The following CDH8 variants were observed in gnomAD, a reference collection of about 807,000 sequenced individuals.
CDH8 encodes cadherin 8, also known as cadherin-8.
In CDH8, 17 loss-of-function variants were observed where a neutral mutation model predicts 68.1. The observed-to-expected ratio is 0.25, with a 90% CI of 0.17 to 0.37. The LOEUF (loss-of-function observed/expected upper bound fraction) is 0.37, where lower values mean the gene tolerates loss of function less well. Ranked by LOEUF, CDH8 falls within the 10% of genes least tolerant of loss-of-function variation. The pLI is 1.00. For missense variants in CDH8, 763 were observed against 999.3 expected, an observed-to-expected ratio of 0.76 and a Z score of 3.19; for synonymous variants, 372 against 365.1, an observed-to-expected ratio of 1.02 and a Z score of -0.21.
At chr16:61,983,843 T>G (rs1965578514) in intron 2 of CDH8, among the ~76,000 whole-genome samples, 1 of 152,122 alleles carries the variant, frequency 6.6e-6, no homozygotes, top group Non-Finnish European at 1.5e-5. Flanking sequence ...TTGCTATGTC[T>G]TCACATGGCA....
Position 61,838,856 on chromosome 16 carries a change from T to C in CDH8, c.668-13677A>G, listed in dbSNP as rs373163630. ...GTAACTTTGAATAAGTCACTAATCC[T>C]TTCTAATCATGAAGTCCCTGAATTG... On this transcript the variant is annotated intron_variant, in intron 4 of 11. Transcript: ENST00000577390. 4.6e-5 allele frequency among the ~76,000 whole-genome samples: 7 copies of C among 152,272 alleles called. No homozygotes were observed. In the East Asian group the frequency reaches 5.8e-4, roughly 13 times the overall value.
At chr16:61,724,194 G>A (rs1959276173) in intron 9 of CDH8, among the ~76,000 whole-genome samples, 1 of 150,674 alleles carries the variant, frequency 6.6e-6, no homozygotes, top group African/African-American at 2.4e-5. Context: ...AGAATCATGA[G>A]AAGGTGGAAA....
chr16:61,962,639 C>A (rs1965177044), intron 2 of CDH8, among the ~76,000 whole-genome samples: 1 of 152,118 alleles, frequency 6.6e-6, no homozygotes, highest in African/African-American at 2.4e-5. Flanking sequence ...CCTTTCTGTT[C>A]AAAACTGAAC....
At chr16:61,738,395 C>G (rs147217437) in intron 8 of CDH8, among the ~76,000 whole-genome samples, 1 of 152,094 alleles carries the variant, frequency 6.6e-6, no homozygotes, top group Admixed American at 6.6e-5. Flanking sequence ...CCTTTTCCTA[C>G]GTATCTACAA....
At chr16:61,673,657 A>G (rs1318210490) in intron 10 of CDH8, among the ~76,000 whole-genome samples, 1 of 152,148 alleles carries the variant, frequency 6.6e-6, no homozygotes, top group Non-Finnish European at 1.5e-5. Context: ...TTTCTTGTCC[A>G]TGGAAGAAAT....
At chr16:61,959,393 C>T (rs984969357) in intron 2 of CDH8, among the ~76,000 whole-genome samples, 1 of 152,086 alleles carries the variant, frequency 6.6e-6, no homozygotes, top group East Asian at 1.9e-4. Context: ...CATAGAACTT[C>T]ACTTTTGAAA....
intron 2 of CDH8, among the ~76,000 whole-genome samples, chr16:61,920,752 G>A (rs1964349229): frequency 1.6e-5 from 1 of 61,476 alleles, no homozygotes; most frequent in Non-Finnish European, 3.1e-5. Flanking sequence ...TCCCATTACT[G>A]GGTATATACC....
intron 3 of CDH8, among the ~76,000 whole-genome samples, chr16:61,892,783 C>T (rs1006800701): frequency 4.0e-5 from 6 of 151,718 alleles, no homozygotes; most frequent in South Asian, 2.1e-4. Context: ...GGGAGTAAGG[C>T]GATGGATGAG....
At chr16:61,705,873 C>G (rs943593225) in intron 10 of CDH8, among the ~76,000 whole-genome samples, 1 of 152,172 alleles carries the variant, frequency 6.6e-6, no homozygotes, top group Non-Finnish European at 1.5e-5. Flanking sequence ...TTATAGTTTC[C>G]TCTCTAAGAT....
intron 4 of CDH8, among the ~76,000 whole-genome samples, chr16:61,845,852 A>G (rs561977061): frequency 2.6e-5 from 4 of 152,116 alleles, no homozygotes; most frequent in Non-Finnish European, 4.4e-5. Context: ...CCAGACCCAT[A>G]GGAGTTTGAA....
intron 9 of CDH8, chr16:61,725,118 T>C (rs1380018736): frequency 6.6e-6 from 1 of 150,934 alleles, no homozygotes; most frequent in Non-Finnish European, 1.5e-5. Flanking sequence ...GATAAAATGG[T>C]GTAGCACACA....
chr16:62,033,767 G>A (rs535151719), intron 1 of CDH8, among the ~76,000 whole-genome samples: 3 of 152,094 alleles, frequency 2.0e-5, no homozygotes, highest in South Asian at 2.1e-4. Context: ...GAACTGCCAC[G>A]GAAGGGCTCT....
At chr16:61,923,715 T>C (rs1344682063) in intron 2 of CDH8, among the ~76,000 whole-genome samples, 3 of 147,606 alleles carry the variant, frequency 2.0e-5, no homozygotes, top group Non-Finnish European at 4.5e-5. Context: ...GCAATCTAGA[T>C]GGCTAGAGGA....
At chr16:61,898,028 G>A (rs11862502) in intron 3 of CDH8, among the ~76,000 whole-genome samples, 31,670 of 151,902 alleles carry the variant, frequency 0.21, 3,683 homozygotes, top group African/African-American at 0.32. Context: ...TGGGCCAGGC[G>A]CGGTGGTTCA....
intron 10 of CDH8, among the ~76,000 whole-genome samples, chr16:61,665,362 G>C (rs2142765131): frequency 6.6e-6 from 1 of 152,028 alleles, no homozygotes. Context: ...AAAAAAGAAT[G>C]AGTTCACAAA....
chr16:61,970,409 T>C (rs1965318797), intron 2 of CDH8, among the ~76,000 whole-genome samples: 2 of 152,156 alleles, frequency 1.3e-5, no homozygotes, highest in African/African-American at 4.8e-5. Flanking sequence ...ATTAAAGGCA[T>C]AGAAAAATGG....
Position 61,929,434 on chromosome 16 carries a change from A to G in CDH8, c.253-27961T>C, listed in dbSNP as rs143834862. Among the ~76,000 whole-genome samples the G allele has an allele frequency of 1.1e-4, 17 of 152,220 alleles. No individual in the cohort carries two copies. The East Asian group carries it at 1.4e-3, about 12-fold the overall frequency. ...GGGCTAGGTGTTTTCATTCTCAACT[A>G]TCTCAGAAAGGGTTGGCTGTTCGCC... On this transcript the variant is annotated intron_variant, in intron 2 of 11. Transcript: ENST00000577390.
At chr16:61,853,412 C>T (rs1962980670) in intron 4 of CDH8, among the ~76,000 whole-genome samples, 1 of 152,052 alleles carries the variant, frequency 6.6e-6, no homozygotes, top group African/African-American at 2.4e-5. Flanking sequence ...TGACAGTGGT[C>T]AATGGACAAT....
intron 2 of CDH8, among the ~76,000 whole-genome samples, chr16:61,937,288 T>C (rs1964642315): frequency 6.6e-6 from 1 of 152,142 alleles, no homozygotes; most frequent in African/African-American, 2.4e-5. Flanking sequence ...AGAGAGTTGC[T>C]TACTATAGCA....
Sources: allele counts gnomAD v4.1 joint callset (sites outside exome capture counted in the v4.1 genomes callset), GRCh38; gene constraint gnomAD v4.1.1; transcripts MANE v1.5; gene names NCBI Gene and HGNC (gene_info 2026-07-23, HGNC 2026-07-21).